RAP1GAP2: variants seen among roughly 807,000 people sequenced by gnomAD.
RAP1GAP2 encodes the protein RAP1 GTPase activating protein 2.
A neutral mutation model predicts 95.0 loss-of-function variants in RAP1GAP2; 27 were observed. That is an observed-to-expected ratio of 0.28 (90% CI 0.21 to 0.39). The LOEUF (loss-of-function observed/expected upper bound fraction) is 0.39, where lower values mean the gene tolerates loss of function less well. Ranked by LOEUF, RAP1GAP2 falls within the 10% of genes least tolerant of loss-of-function variation. RAP1GAP2 has a pLI of 1.00. For missense variants in RAP1GAP2, 771 were observed against 970.0 expected (o/e 0.79, Z 2.72); for synonymous variants, 373 against 380.9 (o/e 0.98, Z 0.24).
Position 2,978,034 on chromosome 17 carries a change from G to C in RAP1GAP2, c.597-2253G>C, listed in dbSNP as rs571814533. Among the ~76,000 whole-genome samples, 3 of 152,236 alleles carry C rather than the reference G, an allele frequency of 2.0e-5. No individual in the cohort carries two copies. In the East Asian group the frequency reaches 5.8e-4, roughly 29 times the overall value. ...CTGTTTATATCTTTCACCCACACATGTCATCCTCTTTTCACCTTAACTAAG... is the reference window on the plus strand; with the variant it reads ...CTGTTTATATCTTTCACCCACACATCTCATCCTCTTTTCACCTTAACTAAG... On this transcript the variant is annotated intron_variant, in intron 8 of 24. Coordinates refer to ENST00000254695, the MANE Select transcript of RAP1GAP2 (RefSeq NM_015085.5).
At chr17:2,958,243 A>G (rs1041883551) in intron 4 of RAP1GAP2, among the ~76,000 whole-genome samples, 1 of 152,198 alleles carries the variant, frequency 6.6e-6, no homozygotes, top group Admixed American at 6.5e-5. Context: ...TTCCTGTGCT[A>G]AGCCTCCATA....
Position 2,867,639 on chromosome 17 carries a change from C to G in RAP1GAP2, c.81-37645C>G, listed in dbSNP as rs994248071. 2.6e-5 allele frequency among the ~76,000 whole-genome samples: 4 copies of G among 152,178 alleles called. No homozygotes were observed. Among genetic ancestry groups the G allele is most frequent in the Non-Finnish European group, 5.9e-5 (4 of 68,038 alleles). On this transcript the variant is annotated intron_variant, in intron 2 of 24. Transcript: ENST00000254695. This position sits in a 1 kb window ranked among gnomAD's most constrained non-coding sequence, Gnocchi z 4.5. ...ACTGATTCATGAAGTCTAGGTCTTA[C>G]GCCCACCGCTGGTTCCCGGGATGCA...
At chr17:2,969,183 A>ATCTATCTATCTATCTATC (rs1309428763) in intron 8 of RAP1GAP2, among the ~76,000 whole-genome samples, 744 of 73,204 alleles carry the variant, frequency 0.01, 1 homozygote, top group Admixed American at 0.02. Flanking sequence ...ATCTATCTAT[A>ATCTATCTATCTATCTATC]TATATATATA....
upstream of RAP1GAP2, among the ~76,000 whole-genome samples, chr17:2,796,229 T>C (rs898200208): frequency 2.0e-5 from 3 of 152,160 alleles, no homozygotes; most frequent in Non-Finnish European, 2.9e-5. The surrounding 1 kb of genome is among the most constrained non-coding windows in gnomAD (Gnocchi z 4.7). Context: ...TAACTGGGGC[T>C]GTGGAGCAAT....
Position 3,003,485 on chromosome 17 carries a change from C to T in RAP1GAP2, c.1201-1884C>T, listed in dbSNP as rs1393861795. On this transcript the variant is annotated intron_variant, in intron 14 of 24. Transcript: ENST00000254695. The surrounding 1 kb of genome is among the most constrained non-coding windows in gnomAD (Gnocchi z 4.1). ...GTAGCCCCCTCCCCGTTTCCCGTCA[C>T]GACTTGTCTGTTGCTCGGACGATGC... is the stretch of plus-strand genomic sequence containing the variant. Among the ~76,000 whole-genome samples the T allele has an allele frequency of 3.9e-5, 6 of 152,030 alleles. No individual in the cohort carries two copies. The highest frequency in any genetic ancestry group is 9.7e-5 in the African/African-American group (4 of 41,376).
chr17:3,030,601 G>A (rs79830495), intron 22 of RAP1GAP2, among the ~76,000 whole-genome samples: 1,952 of 152,298 alleles, frequency 0.013, 34 homozygotes, highest in African/African-American at 0.043. Flanking sequence ...AGACGTAAGA[G>A]CACAGATAAT....
At chr17:2,876,982 G>A (rs919687492) in intron 2 of RAP1GAP2, among the ~76,000 whole-genome samples, 5 of 149,424 alleles carry the variant, frequency 3.3e-5, no homozygotes, top group Admixed American at 1.3e-4. Flanking sequence ...TCCACCTCCC[G>A]GGTTCAAGCG....
intron 10 of RAP1GAP2, among the ~76,000 whole-genome samples, chr17:2,983,627 A>C (rs921270195): frequency 1.3e-5 from 2 of 152,234 alleles, no homozygotes; most frequent in Non-Finnish European, 2.9e-5. Context: ...ATAATTTAAA[A>C]TAGCTTTAAC....
intron 3 of RAP1GAP2, among the ~76,000 whole-genome samples, chr17:2,915,171 C>T (rs1199861172): frequency 6.6e-6 from 1 of 152,154 alleles, no homozygotes; most frequent in Non-Finnish European, 1.5e-5. Context: ...GATCCTCCTG[C>T]CTGGGCTCCC....
At chr17:2,842,162 C>A (rs184383752) in intron 2 of RAP1GAP2, among the ~76,000 whole-genome samples, 1 of 152,184 alleles carries the variant, frequency 6.6e-6, no homozygotes, top group Non-Finnish European at 1.5e-5. Context: ...TCAGGGCCCA[C>A]GCTTGGGTAA....
intron 2 of RAP1GAP2, among the ~76,000 whole-genome samples, chr17:2,873,718 TC>T (rs1785658626): frequency 6.6e-6 from 1 of 152,024 alleles, no homozygotes; most frequent in Non-Finnish European, 1.5e-5. Context: ...TTACATAACA[TC>T]GTGAATGTAC....
At chr17:2,930,620 G>T (rs754933113) in intron 3 of RAP1GAP2, among the ~76,000 whole-genome samples, 2 of 152,200 alleles carry the variant, frequency 1.3e-5, no homozygotes, top group African/African-American at 4.8e-5. Flanking sequence ...TCAAACACAC[G>T]CACAGAGGCA....
Position 2,827,329 on chromosome 17 carries a change from C to A in RAP1GAP2, c.80+26779C>A, listed in dbSNP as rs1226933140. Among the ~76,000 whole-genome samples the A allele has an allele frequency of 6.6e-5, 10 of 152,106 alleles. No individual in the cohort carries two copies. The highest frequency in any genetic ancestry group is 1.2e-4 in the Non-Finnish European group (8 of 68,022). ...GTCCTACAAAAGTGGACAATTCAGA[C>A]CCTGTTGGGTTTTGTGGCACTTTCT... On this transcript the variant is annotated intron_variant, in intron 2 of 24. Coordinates refer to ENST00000254695, the MANE Select transcript of RAP1GAP2 (RefSeq NM_015085.5). The surrounding 1 kb of genome is among the most constrained non-coding windows in gnomAD (Gnocchi z 4.1).
chr17:2,779,918 G>T (rs528010393), intron 1 of RAP1GAP2, among the ~76,000 whole-genome samples: 2 of 152,138 alleles, frequency 1.3e-5, no homozygotes, highest in South Asian at 2.1e-4. Flanking sequence ...AGCGTCTGGG[G>T]TGGTGGTAAC....
chr17:3,017,609 G>C (rs184650715), intron 17 of RAP1GAP2, among the ~76,000 whole-genome samples: 64 of 152,338 alleles, frequency 4.2e-4, no homozygotes, highest in African/African-American at 1.5e-3. Context: ...ACCTGAGTGT[G>C]TTGAATCCCC....
chr17:2,943,338 C>G (rs1280068461), intron 3 of RAP1GAP2, among the ~76,000 whole-genome samples: 1 of 152,166 alleles, frequency 6.6e-6, no homozygotes, highest in Non-Finnish European at 1.5e-5. Flanking sequence ...GTATAAGGAA[C>G]TCCTACAGCT....
In RAP1GAP2 at chr17:2,903,005, C is replaced by T. The variant is rs1293887377; in HGVS notation, c.81-2279C>T. On this transcript the variant is annotated intron_variant, in intron 2 of 24. Transcript: ENST00000254695. This position sits in a 1 kb window ranked among gnomAD's most constrained non-coding sequence, Gnocchi z 4.1. ...GTGATGTTAAAACCAGCTCTGTCCT[C>T]CTCTGGACTGTGTGTTTCTGGAGAG... 2.0e-5 allele frequency among the ~76,000 whole-genome samples: 3 copies of T among 152,218 alleles called. No individual in the cohort carries two copies. Among genetic ancestry groups the T allele is most frequent in the African/African-American group, 7.2e-5 (3 of 41,460 alleles).
Position 2,867,398 on chromosome 17 carries a change from C to T in RAP1GAP2, c.81-37886C>T, listed in dbSNP as rs1191736220. Among the ~76,000 whole-genome samples, 1 of 152,182 alleles carries T rather than the reference C, an allele frequency of 6.6e-6. No individual in the cohort carries two copies. The highest frequency in any genetic ancestry group is 3.2e-3 in the Middle Eastern group (1 of 316). ...CTGGTTCTTTCACCCCGTCTCTAGG[C>T]TGTGCCTTCCTTTGGGTTGCCTTCG... is the stretch of plus-strand genomic sequence containing the variant. On this transcript the variant is annotated intron_variant, in intron 2 of 24. Coordinates refer to ENST00000254695, the MANE Select transcript of RAP1GAP2 (RefSeq NM_015085.5). This position sits in a 1 kb window ranked among gnomAD's most constrained non-coding sequence, Gnocchi z 4.5.
rs778271684 is a variant in RAP1GAP2, at chr17:2,985,023, A to T, written c.770A>T (p.Asn257Ile). ...MIVSYDEHEV[N>I]NTFKFGVIYQ... is the part of the protein sequence containing the mutation. ...GTGTCCTATGATGAGCATGAAGTCA[A>T]CAACACATTCAAATTCGGAGTCATT... Residue 257 changes from asparagine (N) to isoleucine (I), a missense_variant, in exon 11 of 25, where the codon AAC becomes ATC. Asn to Ile is a moderately radical substitution (Grantham distance 149, BLOSUM62 -3). Transcript: ENST00000254695. 6.2e-7 allele frequency: 1 copy of T among 1,613,906 alleles called. No individual in the cohort carries two copies. Among genetic ancestry groups the T allele is most frequent in the Non-Finnish European group, 8.5e-7 (1 of 1,179,874 alleles).
Sources: allele counts gnomAD v4.1 joint callset (sites outside exome capture counted in the v4.1 genomes callset), GRCh38; gene constraint gnomAD v4.1.1; non-coding constraint Gnocchi (gnomAD v3.1); transcripts MANE v1.5; gene names NCBI Gene and HGNC (gene_info 2026-07-23, HGNC 2026-07-21).